The following STK32B variants were observed in gnomAD, a reference collection of about 807,000 sequenced individuals.
The protein encoded by STK32B is serine/threonine kinase 32B.
STK32B carries 43 observed loss-of-function variants against 52.6 expected under a neutral mutation model. That is an observed-to-expected ratio of 0.82 (90% confidence interval 0.64 to 1.05). The LOEUF (loss-of-function observed/expected upper bound fraction) is 1.05, where lower values mean the gene tolerates loss of function less well. Ranked by LOEUF, STK32B falls within the 50% of genes least tolerant of loss-of-function variation. The probability of loss-of-function intolerance (pLI) is 0.00; values close to 1 mark genes in which losing one functional copy is unlikely to be tolerated. For synonymous variants in STK32B, 238 were observed against 204.3 expected (o/e 1.17, Z -1.41); for missense variants, 621 against 534.6 (o/e 1.16, Z -1.59).
intron 3 of STK32B, among the ~76,000 whole-genome samples, chr4:5,307,366 G>C (rs6822563): frequency 0.13 from 19,453 of 151,902 alleles, 2,695 homozygotes; most frequent in African/African-American, 0.36. Flanking sequence ...TGTCAGATTG[G>C]TTTAATTTGA....
Position 5,446,053 on chromosome 4 carries a change from A to G in STK32B, c.563-620A>G, listed in dbSNP as rs529556463. On this transcript the variant is annotated intron_variant, in intron 6 of 11. Transcript: ENST00000282908. ...TACCCCACCCGTTCTCCCAGCAAAC[A>G]TACTCCACCAATCCACCCCCTCCAG... is the stretch of plus-strand genomic sequence containing the variant. Among the ~76,000 whole-genome samples, 8 of 152,272 alleles carry G rather than the reference A, an allele frequency of 5.3e-5. No homozygotes were observed. In the South Asian group the frequency reaches 8.3e-4, roughly 16 times the overall value.
chr4:5,350,999 ACT>A (rs2108985168), intron 4 of STK32B, among the ~76,000 whole-genome samples: 1 of 152,140 alleles, frequency 6.6e-6, no homozygotes, highest in East Asian at 1.9e-4. Context: ...GGAAAGATAG[ACT>A]CCAGTACAAT....
chr4:5,221,953 T>C (rs934550306), intron 3 of STK32B, among the ~76,000 whole-genome samples: 3 of 151,604 alleles, frequency 2.0e-5, no homozygotes, highest in Non-Finnish European at 2.9e-5. Context: ...CCATCACAAA[T>C]AGGATTAAGG....
At chr4:5,316,612 T>A (rs868441301) in intron 3 of STK32B, among the ~76,000 whole-genome samples, 116 of 8,300 alleles carry the variant, frequency 0.014, 8 homozygotes, top group African/African-American at 0.059. Flanking sequence ...ATAATATATA[T>A]TATATATTAT....
chr4:5,333,170 T>A (rs1245220128), intron 4 of STK32B, among the ~76,000 whole-genome samples: 1 of 152,252 alleles, frequency 6.6e-6, no homozygotes, highest in South Asian at 2.1e-4. Flanking sequence ...GTTTCCTGAC[T>A]TTTTAATGAT....
In STK32B at chr4:5,214,849, A is replaced by G. The variant is rs187711533; in HGVS notation, c.260+46399A>G. On this transcript the variant is annotated intron_variant, in intron 3 of 11. Coordinates refer to ENST00000282908, the MANE Select transcript of STK32B (RefSeq NM_018401.3). ...ATTTTTGTTTTATTGTGAGAGAGGT[A>G]TGAACAAAGTGTTAAAGTTTTAAGA... 6.2e-3 allele frequency among the ~76,000 whole-genome samples: 945 copies of G among 152,358 alleles called. 5 individuals are homozygous for G. Among genetic ancestry groups the G allele is most frequent in the Non-Finnish European group, 0.01 (694 of 68,034 alleles).
chr4:5,327,718 G>A (rs1038404529), intron 3 of STK32B, among the ~76,000 whole-genome samples: 3 of 152,102 alleles, frequency 2.0e-5, no homozygotes, highest in African/African-American at 7.2e-5. Flanking sequence ...TTTCAAAATG[G>A]TAAATGAGCA....
chr4:5,382,263 G>C (rs891367880), intron 4 of STK32B, among the ~76,000 whole-genome samples: 18 of 152,112 alleles, frequency 1.2e-4, no homozygotes, highest in Admixed American at 1.0e-3. Flanking sequence ...CCATCCCGCT[G>C]GTGACCCTGG....
At position 5,459,032 on chromosome 4, in the gene STK32B, A is replaced by C. The variant is rs1420811426; in HGVS notation, c.784-1071A>C. Among the ~76,000 whole-genome samples, 6 of 152,356 alleles carry C rather than the reference A, an allele frequency of 3.9e-5. No homozygotes were observed. In the South Asian group the frequency reaches 1.2e-3, roughly 32 times the overall value. ...CAGGTCTGGACATCAGCATGTTTTC[A>C]GAACAGCTGCCCTGAACAGTGAACT... is the stretch of plus-strand genomic sequence containing the variant. On this transcript the variant is annotated intron_variant, in intron 8 of 11. Transcript: ENST00000282908.
chr4:5,214,497 T>G (rs780913339), intron 3 of STK32B, among the ~76,000 whole-genome samples: 2 of 152,216 alleles, frequency 1.3e-5, no homozygotes, highest in Non-Finnish European at 2.9e-5. Context: ...CATGATTTAT[T>G]GTAGACATTC....
chr4:5,252,528 G>T (rs768742816), intron 3 of STK32B, among the ~76,000 whole-genome samples: 1 of 152,108 alleles, frequency 6.6e-6, no homozygotes, highest in Non-Finnish European at 1.5e-5. Context: ...CCATCTGCAG[G>T]TCTTTATTTC....
intron 3 of STK32B, among the ~76,000 whole-genome samples, chr4:5,196,626 C>G (rs7678775): frequency 4.3e-4 from 66 of 152,004 alleles, no homozygotes; most frequent in African/African-American, 1.6e-3. Flanking sequence ...GAGGCTGAGG[C>G]AGAAGAATTG....
chr4:5,026,740 T>C, the STK32B span, among the ~76,000 whole-genome samples: 1 of 152,196 alleles, frequency 6.6e-6, no homozygotes, highest in Non-Finnish European at 1.5e-5. Flanking sequence ...TCACCTCTCC[T>C]GCCTGCTCCC....
At chr4:5,123,866 CAT>C (rs1342488284) in intron 1 of STK32B, among the ~76,000 whole-genome samples, 21 of 3,830 alleles carry the variant, frequency 5.5e-3, no homozygotes, top group Non-Finnish European at 0.016. Flanking sequence ...CCACCACCAT[CAT>C]CAATCTCCTC....
chr4:5,283,666 C>G (rs72613195), intron 3 of STK32B, among the ~76,000 whole-genome samples: 2,795 of 152,196 alleles, frequency 0.018, 39 homozygotes, highest in East Asian at 0.072. Flanking sequence ...ACCCTGCAGG[C>G]CAGGAGAGAG....
At chr4:5,365,853 A>G (rs1056104230) in intron 4 of STK32B, among the ~76,000 whole-genome samples, 12 of 152,314 alleles carry the variant, frequency 7.9e-5, no homozygotes, top group Middle Eastern at 3.4e-3. Flanking sequence ...TCACAAAGGT[A>G]TGCTGTTAAC....
chr4:5,410,146 G>A (rs770972575), intron 5 of STK32B, among the ~76,000 whole-genome samples: 7 of 152,110 alleles, frequency 4.6e-5, no homozygotes, highest in African/African-American at 7.2e-5. Flanking sequence ...CAGCGCCCAC[G>A]GCTCCAAAGT....
chr4:5,105,780 G>C (rs1315129187), intron 1 of STK32B, among the ~76,000 whole-genome samples: 1 of 151,726 alleles, frequency 6.6e-6, no homozygotes, highest in Non-Finnish European at 1.5e-5. Context: ...AGCCAGGATG[G>C]TCTCGATCTC....
intron 1 of STK32B, among the ~76,000 whole-genome samples, chr4:5,082,595 A>G (rs1712499530): frequency 6.6e-6 from 1 of 151,974 alleles, no homozygotes. Context: ...TGTAATGACA[A>G]CTCTAACTTT....
Sources: allele counts gnomAD v4.1 joint callset (sites outside exome capture counted in the v4.1 genomes callset), GRCh38; gene constraint gnomAD v4.1.1; transcripts MANE v1.5; gene names NCBI Gene and HGNC (gene_info 2026-07-23, HGNC 2026-07-21).